RASGEF1A: variants seen among roughly 807,000 people sequenced by gnomAD.
The protein encoded by RASGEF1A is RasGEF domain family member 1A.
A neutral mutation model predicts 56.4 loss-of-function variants in RASGEF1A; 18 were observed. The observed-to-expected ratio is 0.32, with a 90% CI of 0.22 to 0.47. RASGEF1A has a LOEUF of 0.47. Ranked by LOEUF, RASGEF1A falls within the 20% of genes least tolerant of loss-of-function variation. The probability of loss-of-function intolerance (pLI) is 1.00; values close to 1 mark genes in which losing one functional copy is unlikely to be tolerated. For missense variants in RASGEF1A, 422 were observed against 627.1 expected (o/e 0.67, Z 3.49); for synonymous variants, 245 against 242.6 (o/e 1.01, Z -0.09).
At chr10:43,207,545 A>T (rs1840014404) in intron 1 of RASGEF1A, 5 of 985,460 alleles carry the variant, frequency 5.1e-6, no homozygotes, top group African/African-American at 1.7e-5. Flanking sequence ...ATTCTTAGAA[A>T]GTCTTTGGCA....
At chr10:43,199,271 A>G in intron 7 of RASGEF1A, 77 bp from the exon 8 acceptor site, 2 of 1,097,260 alleles carry the variant, frequency 1.8e-6, no homozygotes, top group African/African-American at 1.6e-5. Context: ...AGAGGAACAG[A>G]GGGGCAGGGA....
chr10:43,201,746 C>G, intron 4 of RASGEF1A, 62 bp downstream of exon 4: 1 of 1,444,862 alleles, frequency 6.9e-7, no homozygotes, highest in Non-Finnish European at 9.2e-7. Context: ...AGCCCCCACC[C>G]TCCCGAGGGC....
At chr10:43,251,822 C>A (rs982043726) in intron 1 of RASGEF1A, among the ~76,000 whole-genome samples, 1 of 152,174 alleles carries the variant, frequency 6.6e-6, no homozygotes, top group Non-Finnish European at 1.5e-5. Context: ...TTCGTCTGGC[C>A]CAGCACTGGT....
At chr10:43,209,915 G>A (rs1209862502) in intron 1 of RASGEF1A, among the ~76,000 whole-genome samples, 1 of 152,160 alleles carries the variant, frequency 6.6e-6, no homozygotes, top group Non-Finnish European at 1.5e-5. Flanking sequence ...TGGGCCCAGT[G>A]CTCCCCTTTC....
At chr10:43,242,398 A>G (rs1241422097) in intron 1 of RASGEF1A, among the ~76,000 whole-genome samples, 1 of 152,210 alleles carries the variant, frequency 6.6e-6, no homozygotes, top group Non-Finnish European at 1.5e-5. Context: ...AGGAAGAAAT[A>G]AGACAATTCA....
chr10:43,207,784 AC>A (rs1182850527), intron 1 of RASGEF1A: 1 of 825,796 alleles, frequency 1.2e-6, no homozygotes, highest in East Asian at 1.2e-4. Context: ...CTGCTTCTGT[AC>A]CCCAACGCGC....
At chr10:43,234,845 C>T (rs1840411064) in intron 1 of RASGEF1A, among the ~76,000 whole-genome samples, 1 of 152,326 alleles carries the variant, frequency 6.6e-6, no homozygotes, top group East Asian at 1.9e-4. Context: ...CAGACAGCCC[C>T]TGCCTCCTCA....
chr10:43,198,278 G>A (rs1475780326), intron 9 of RASGEF1A, 83 bp from the exon 10 acceptor site: 63 of 1,277,462 alleles, frequency 4.9e-5, no homozygotes, highest in Middle Eastern at 2.2e-4. Context: ...CAGAGCAGGA[G>A]GCAGCAGACA....
intron 7 of RASGEF1A, 75 bp from the exon 8 acceptor site, chr10:43,199,269 A>G (rs923374344): frequency 8.5e-7 from 1 of 1,174,766 alleles, no homozygotes. Context: ...GCAGAGGAAC[A>G]GAGGGGCAGG....
chr10:43,228,924 G>T (rs1212940534), intron 1 of RASGEF1A, among the ~76,000 whole-genome samples: 2 of 152,246 alleles, frequency 1.3e-5, no homozygotes, highest in Non-Finnish European at 2.9e-5. Flanking sequence ...CACGTGGCCA[G>T]GGCTGGCCGG....
intron 1 of RASGEF1A, among the ~76,000 whole-genome samples, chr10:43,213,824 CATG>C (rs1840099305): frequency 6.6e-6 from 1 of 152,116 alleles, no homozygotes; most frequent in Non-Finnish European, 1.5e-5. Flanking sequence ...GACGGAGTTT[CATG>C]ATGTTGGCCA....
chr10:43,197,062 A>G lies in RASGEF1A; in HGVS notation c.1262T>C (p.Met421Thr). 6.2e-7 allele frequency: 1 copy of G among 1,613,994 alleles called. No individual in the cohort carries two copies. Among genetic ancestry groups the G allele is most frequent in the African/African-American group, 1.3e-5 (1 of 75,056 alleles). Residue 421 changes from methionine (M) to threonine (T), a missense_variant, in exon 11 of 13, where the codon ATG (methionine) becomes ACG (threonine). Coordinates refer to ENST00000395810, the MANE Select transcript of RASGEF1A (RefSeq NM_145313.4). ...AGGACACTCTACCTGTGTCCATGTC[A>G]TGAACTCATGGATCTGTCTGGAGAT... ...WEISRQIHEF[M>T]TWTQVECPFE...
Position 43,199,203 on chromosome 10 carries a change from T to C in RASGEF1A, c.850-9A>G. ...TGTTTCTTCTTCACCACCTGGAAGG[T>C]GGCAGGTGACCTCAGCATGGCGCTG... On this transcript the variant is annotated splice_polypyrimidine_tract_variant and intron_variant, in intron 7 of 12. Coordinates refer to ENST00000395810, the MANE Select transcript of RASGEF1A (RefSeq NM_145313.4). 1 of 1,599,034 alleles carries C rather than the reference T, an allele frequency of 6.3e-7. No individual in the cohort carries two copies. The highest frequency in any genetic ancestry group is 8.5e-7 in the Non-Finnish European group (1 of 1,171,758).
chr10:43,253,797 G>A lies in RASGEF1A; in HGVS notation c.-7+13048C>T, dbSNP rs565640065. Among the ~76,000 whole-genome samples, 50 of 152,328 alleles carry A rather than the reference G, an allele frequency of 3.3e-4. 1 individual carries two copies. The highest frequency in any genetic ancestry group is 1.1e-3 in the African/African-American group (44 of 41,588). On this transcript the variant is annotated intron_variant, in intron 1 of 12. Coordinates refer to ENST00000395810, the MANE Select transcript of RASGEF1A (RefSeq NM_145313.4). ...GCCTTGACCTCAGCCCCTAAGACCC[G>A]ACCCAGCCTCTGACCTACTGGCCGA...
At chr10:43,240,706 A>T (rs762707757) in intron 1 of RASGEF1A, among the ~76,000 whole-genome samples, 1 of 152,194 alleles carries the variant, frequency 6.6e-6, no homozygotes, top group African/African-American at 2.4e-5. Flanking sequence ...GGAACAAATA[A>T]ATAGAGCCAC....
At chr10:43,240,999 T>C (rs1840491695) in intron 1 of RASGEF1A, among the ~76,000 whole-genome samples, 1 of 152,092 alleles carries the variant, frequency 6.6e-6, no homozygotes, top group Non-Finnish European at 1.5e-5. Flanking sequence ...CATTCAAATA[T>C]GAAAGGGAAA....
At chr10:43,223,038 C>T (rs1840229337) in intron 1 of RASGEF1A, among the ~76,000 whole-genome samples, 1 of 151,968 alleles carries the variant, frequency 6.6e-6, no homozygotes, top group Admixed American at 6.6e-5. Context: ...GGTAAACTCC[C>T]AAGAACACAA....
At chr10:43,256,269 A>G (rs1305897205) in intron 1 of RASGEF1A, among the ~76,000 whole-genome samples, 1 of 152,062 alleles carries the variant, frequency 6.6e-6, no homozygotes, top group African/African-American at 2.4e-5. Flanking sequence ...GAGTCCCCCA[A>G]CCCCTACCCA....
chr10:43,257,990 G>C (rs1457871285), intron 1 of RASGEF1A, among the ~76,000 whole-genome samples: 2 of 152,212 alleles, frequency 1.3e-5, no homozygotes. Context: ...AGGGCCTCCA[G>C]TGTTACATTT....
Sources: allele counts gnomAD v4.1 joint callset (sites outside exome capture counted in the v4.1 genomes callset), GRCh38; gene constraint gnomAD v4.1.1; transcripts MANE v1.5; gene names NCBI Gene and HGNC (gene_info 2026-07-23, HGNC 2026-07-21).